The following TAGAP variants were observed in gnomAD, a reference collection of about 807,000 sequenced individuals.
TAGAP encodes T-cell activation Rho GTPase-activating protein.
TAGAP carries 16 observed loss-of-function variants against 36.0 expected under a neutral mutation model. That is an observed-to-expected ratio of 0.44 (90% CI 0.30 to 0.68). The LOEUF is 0.68. TAGAP is among the 30% of genes least tolerant of loss of function. The pLI, the probability that TAGAP is intolerant of heterozygous loss-of-function variation, is 0.09. For synonymous variants in TAGAP, 372 were observed against 377.4 expected (o/e 0.99, Z 0.17); for missense variants, 794 against 921.5 (o/e 0.86, Z 1.79).
Position 159,039,245 on chromosome 6 carries a change from G to C in TAGAP, c.652C>G (p.Leu218Val), listed in dbSNP as rs1363395248. ...TTCACCTCAGAGTTCTTGCTGATGA[G>C]GTGCAGCACATAGACCAAGTGCTTG... is the stretch of plus-strand genomic sequence containing the variant. ...LLKHLVYVLH[L>V]ISKNSEVNRM... is the part of the protein sequence containing the mutation. Residue 218 changes from leucine to valine, a missense_variant, in exon 8 of 10, where the codon CTC (leucine) becomes GTC (valine). Coordinates refer to ENST00000367066, the MANE Select transcript of TAGAP (RefSeq NM_054114.5). The C allele has an allele frequency of 6.2e-7, 1 of 1,614,154 alleles. No individual in the cohort carries two copies. The highest frequency in any genetic ancestry group is 2.2e-5 in the East Asian group (1 of 44,894).
intron 1 of TAGAP, 94 bp downstream of exon 1, chr6:159,044,785 G>T: frequency 2.5e-6 from 1 of 395,596 alleles, no homozygotes; most frequent in South Asian, 1.4e-4. Flanking sequence ...CATATTCCAC[G>T]GGATAGCTGT....
At chr6:159,038,898 A>T in intron 8 of TAGAP, 1 of 1,410,888 alleles carries the variant, frequency 7.1e-7, no homozygotes, top group South Asian at 1.5e-5. Context: ...CGCAGCACTC[A>T]TCTGTCTCAC....
chr6:159,038,010 G>T (rs1779606144), intron 9 of TAGAP, 104 bp downstream of exon 9: 2 of 739,858 alleles, frequency 2.7e-6, no homozygotes, highest in Non-Finnish European at 4.7e-6. Flanking sequence ...TCGGTGATTT[G>T]TGAAGGTAAC....
At chr6:159,042,773 G>C (rs560445365) in intron 4 of TAGAP, 3 of 153,278 alleles carry the variant, frequency 2.0e-5, no homozygotes, top group South Asian at 3.9e-4. Context: ...CCACTAGAGG[G>C]AGCTAACACC....
At chr6:159,044,550 A>G (rs867436107) in intron 1 of TAGAP, among the ~76,000 whole-genome samples, 18 of 152,204 alleles carry the variant, frequency 1.2e-4, no homozygotes, top group African/African-American at 3.9e-4. Context: ...ATTAACATGA[A>G]CATTAACTTT....
chr6:159,042,077 C>T lies in TAGAP; in HGVS notation c.315+1G>A. On this transcript the variant is annotated splice_donor_variant, in intron 5 of 9. Transcript: ENST00000367066. LOFTEE classifies it high-confidence loss of function. The stretch of plus-strand genomic sequence containing the variant: ...AGGTTTATGAGAGAATGCACGCCTA[C>T]CTGGATGGGTCTGGGGAGTGTGTCA... The T allele has an allele frequency of 6.2e-7, 1 of 1,609,920 alleles. No individual in the cohort carries two copies. Among genetic ancestry groups the T allele is most frequent in the Non-Finnish European group, 8.5e-7 (1 of 1,178,654 alleles).
At chr6:159,039,020 G>A in intron 8 of TAGAP, 94 bp downstream of exon 8, 1 of 1,598,740 alleles carries the variant, frequency 6.3e-7, no homozygotes, top group Non-Finnish European at 8.6e-7. Context: ...TTCTGAGTCA[G>A]TTGGAGACAT....
At chr6:159,039,719 G>A (rs1779679524) in intron 7 of TAGAP, among the ~76,000 whole-genome samples, 1 of 152,092 alleles carries the variant, frequency 6.6e-6, no homozygotes, top group African/African-American at 2.4e-5. Flanking sequence ...AAACAAAGAC[G>A]GAAACAAAAC....
In TAGAP at chr6:159,035,285, C is replaced by G. The variant is rs751267555; in HGVS notation, c.*542G>C. ...AATGCCTTTGATGACTCCAGACACT[C>G]AACTCTGTTCCTTGCAGTCTGTTTC... On this transcript the variant is annotated 3_prime_UTR_variant, in exon 10 of 10. Transcript: ENST00000367066. 1 of 152,352 alleles carries G rather than the reference C, an allele frequency of 6.6e-6. No individual in the cohort carries two copies. Among genetic ancestry groups the G allele is most frequent in the Non-Finnish European group, 1.5e-5 (1 of 68,050 alleles). 9.4% of individuals were successfully genotyped at this position (152,352 alleles called of 1,614,324 possible).
chr6:159,042,334 C>T, intron 4 of TAGAP, 90 bp from the exon 5 acceptor site: 1 of 1,531,384 alleles, frequency 6.5e-7, no homozygotes, highest in Non-Finnish European at 8.7e-7. Flanking sequence ...TCGTTGGCCG[C>T]ATAATGTGGT....
Position 159,040,840 on chromosome 6 carries a change from A to T in TAGAP, c.478-8T>A. 1 of 1,610,344 alleles carries T rather than the reference A, an allele frequency of 6.2e-7. No individual in the cohort carries two copies. The highest frequency in any genetic ancestry group is 8.5e-7 in the Non-Finnish European group (1 of 1,176,734). On this transcript the variant is annotated splice_region_variant and splice_polypyrimidine_tract_variant and intron_variant, in intron 6 of 9. Coordinates refer to ENST00000367066, the MANE Select transcript of TAGAP (RefSeq NM_054114.5). ...GATACTTCTGAGGAAGTCCTGGGGG[A>T]TGAGAGTGGGCTGTTGGCCTATTGG...
chr6:159,038,100 A>T lies in TAGAP; in HGVS notation c.898+14T>A. 6.5e-7 allele frequency: 1 copy of T among 1,528,046 alleles called. No individual in the cohort carries two copies. Among genetic ancestry groups the T allele is most frequent in the Non-Finnish European group, 9.0e-7 (1 of 1,105,326 alleles). 94.7% of individuals were successfully genotyped at this position (1,528,046 alleles called of 1,614,324 possible). ...TTCCCTACAATCGTAATCAAATGATAGCACATTCCATACCTGAACTGTCAG... is the reference window on the plus strand; with the variant it reads ...TTCCCTACAATCGTAATCAAATGATTGCACATTCCATACCTGAACTGTCAG... On this transcript the variant is annotated intron_variant, in intron 9 of 9. Transcript: ENST00000367066.
Position 159,036,214 on chromosome 6 carries a change from C to G in TAGAP, c.1809G>C (p.Pro603=), listed in dbSNP as rs201417657. ...TCTCGGAGGCCACTAGTCTGGCTGC[C>G]GGGCCCTGCATGGCCTCTTCATAAG... ...PPSYEEAMQG[P]AARLVASESQ... Residue 603 remains proline (P), a synonymous_variant, in exon 10 of 10, where the codon CCG becomes CCC. Coordinates refer to ENST00000367066, the MANE Select transcript of TAGAP (RefSeq NM_054114.5). This position sits in a 1 kb window ranked among gnomAD's most constrained non-coding sequence, Gnocchi z 4.9. 2 of 1,610,658 alleles carry G rather than the reference C, an allele frequency of 1.2e-6. No homozygotes were observed. The highest frequency in any genetic ancestry group is 8.5e-7 in the Non-Finnish European group (1 of 1,178,830).
chr6:159,039,035 A>C, intron 8 of TAGAP, 79 bp downstream of exon 8: 1 of 1,603,038 alleles, frequency 6.2e-7, no homozygotes, highest in Non-Finnish European at 8.5e-7. Context: ...AGACATTCTG[A>C]AGCATTTTAT....
intron 4 of TAGAP, 54 bp downstream of exon 4, chr6:159,043,535 A>T: frequency 6.4e-7 from 1 of 1,565,318 alleles, no homozygotes; most frequent in Non-Finnish European, 8.8e-7. Context: ...TTGCAAACCA[A>T]GAGCACTGGT....
In TAGAP at chr6:159,038,177, C is replaced by T. The variant is rs1264437538; in HGVS notation, c.835G>A (p.Glu279Lys). 2 of 1,613,588 alleles carry T rather than the reference C, an allele frequency of 1.2e-6. No individual in the cohort carries two copies. Among genetic ancestry groups the T allele is most frequent in the African/African-American group, 2.7e-5 (2 of 74,936 alleles). The change falls in exon 9 of 10, where the codon GAG (glutamate) becomes AAG (lysine). Residue 279 changes from glutamate to lysine, a missense_variant. Transcript: ENST00000367066. ...LIDNCFEIFG[E>K]NIPVHSSITS... ...ATACTGGAATGCACTGGAATGTTCT[C>T]CCCAAATATTTCAAAGCAGTTATCA...
rs534119067 is a variant in TAGAP, at chr6:159,044,124, T to C, written c.23A>G (p.Asn8Ser). The stretch of plus-strand genomic sequence containing the variant: ...GAATGTGAGAGGGGCACTCACAGCA[T>C]TGTGGCTGCTTCTCAGCTTCATCAG... MKLRSSH[N>S]ASKTLNANNM... Residue 8 changes from asparagine (N) to serine (S), a missense_variant, in exon 2 of 10, where the codon AAT becomes AGT. Coordinates refer to ENST00000367066, the MANE Select transcript of TAGAP (RefSeq NM_054114.5). 5 of 1,613,934 alleles carry C rather than the reference T, an allele frequency of 3.1e-6. No individual in the cohort carries two copies. In the African/African-American group the frequency reaches 4.0e-5, roughly 13 times the overall value.
At position 159,042,083 on chromosome 6, in the gene TAGAP, T is replaced by C. The variant is rs1398676434; in HGVS notation, c.310A>G (p.Ile104Val). ...CGDSDTLPRP[I>V]QDILTILCLK... Reference sequence around the variant, plus strand: ...ATGAGAGAATGCACGCCTACCTGGATGGGTCTGGGGAGTGTGTCACTGTCA... The same window carrying C: ...ATGAGAGAATGCACGCCTACCTGGACGGGTCTGGGGAGTGTGTCACTGTCA... The change falls in exon 5 of 10, where the codon ATC becomes GTC. Residue 104 changes from isoleucine (I) to valine (V), a missense_variant. Coordinates refer to ENST00000367066, the MANE Select transcript of TAGAP (RefSeq NM_054114.5). 1 of 1,609,764 alleles carries C rather than the reference T, an allele frequency of 6.2e-7. No homozygotes were observed. Among genetic ancestry groups the C allele is most frequent in the Non-Finnish European group, 8.5e-7 (1 of 1,178,586 alleles).
At position 159,036,331 on chromosome 6, in the gene TAGAP, T is replaced by C; in HGVS notation, c.1692A>G (p.Gln564=). The C allele has an allele frequency of 6.2e-7, 1 of 1,613,538 alleles. No homozygotes were observed. The highest frequency in any genetic ancestry group is 8.5e-7 in the Non-Finnish European group (1 of 1,179,958). ...VQENGCETHN[Q]TARGFCLRPH... ...GTCTCAGGCAGAAGCCGCGGGCTGT[T>C]TGGTTGTGGGTTTCACACCCATTTT... The change falls in exon 10 of 10, where the codon CAA becomes CAG. Residue 564 remains glutamine (Q), a synonymous_variant. Coordinates refer to ENST00000367066, the MANE Select transcript of TAGAP (RefSeq NM_054114.5). This position sits in a 1 kb window ranked among gnomAD's most constrained non-coding sequence, Gnocchi z 4.9.
Sources: gnomAD v4.1 joint callset for allele counts (sites outside exome capture counted in the v4.1 genomes callset) on GRCh38, gnomAD v4.1.1 for gene constraint, Gnocchi (gnomAD v3.1) non-coding constraint, MANE v1.5 for transcripts, NCBI Gene and HGNC (gene_info 2026-07-23, HGNC 2026-07-21) for gene names.